Variants in JAKMIP2 observed in about 807,000 individuals in gnomAD.
JAKMIP2 encodes the protein janus kinase and microtubule-interacting protein 2.
In JAKMIP2, 25 loss-of-function variants were observed where a neutral mutation model predicts 115.0. The observed-to-expected ratio is 0.22, with a 90% CI of 0.16 to 0.30. JAKMIP2 has a LOEUF of 0.30. Among genes scored for constraint, JAKMIP2 ranks in the 10% least tolerant of loss-of-function variants. The pLI is 1.00. For missense variants in JAKMIP2, 642 were observed against 957.6 expected (o/e 0.67, Z 4.35); for synonymous variants, 334 against 343.6 (o/e 0.97, Z 0.31).
chr5:147,740,013 C>A (rs1012893114), intron 1 of JAKMIP2, among the ~76,000 whole-genome samples: 1 of 152,180 alleles, frequency 6.6e-6, no homozygotes, highest in African/African-American at 2.4e-5. Context: ...TGAATTTATT[C>A]AAAGTACAAC....
chr5:147,687,562 T>G (rs184551059), intron 1 of JAKMIP2, among the ~76,000 whole-genome samples: 9 of 152,270 alleles, frequency 5.9e-5, no homozygotes, highest in Admixed American at 1.3e-4. Context: ...GTAAGAAAAT[T>G]TGGTAAGAAT....
At chr5:147,682,097 TAAG>T (rs1289597939) in intron 1 of JAKMIP2, among the ~76,000 whole-genome samples, 1 of 144,300 alleles carries the variant, frequency 6.9e-6, no homozygotes, top group African/African-American at 2.6e-5. Flanking sequence ...ATCTGTAAAA[TAAG>T]AAGGAAGGAA....
Position 147,605,599 on chromosome 5 carries a change from A to G in JAKMIP2, c.2413-3788T>C, listed in dbSNP as rs1001706138. 3.9e-5 allele frequency among the ~76,000 whole-genome samples: 6 copies of G among 152,224 alleles called. No homozygotes were observed. The South Asian group carries it at 8.3e-4, about 21-fold the overall frequency. Reference sequence around the variant, plus strand: ...TATTGTGAATAGTGCTGCAATAAACATACGTGTGCATAGGTCTTTATAGTA... The same window carrying G: ...TATTGTGAATAGTGCTGCAATAAACGTACGTGTGCATAGGTCTTTATAGTA... On this transcript the variant is annotated intron_variant, in intron 20 of 21. Coordinates refer to ENST00000616793, the MANE Select transcript of JAKMIP2 (RefSeq NM_001270941.2).
chr5:147,762,827 T>A (rs1754976392), intron 1 of JAKMIP2, among the ~76,000 whole-genome samples: 1 of 152,152 alleles, frequency 6.6e-6, no homozygotes, highest in African/African-American at 2.4e-5. Flanking sequence ...TATTCAATTA[T>A]TTCCCAATGA....
intron 1 of JAKMIP2, among the ~76,000 whole-genome samples, chr5:147,701,797 C>A (rs1013708301): frequency 8.5e-5 from 13 of 152,140 alleles, no homozygotes; most frequent in Admixed American, 1.3e-4. Flanking sequence ...CACAAGACAC[C>A]AAATGTGCTG....
intron 1 of JAKMIP2, among the ~76,000 whole-genome samples, chr5:147,694,371 G>A (rs1298011904): frequency 1.3e-5 from 2 of 152,136 alleles, no homozygotes; most frequent in Admixed American, 6.5e-5. Context: ...ATCATGGGCA[G>A]CTAAAATAGG....
intron 1 of JAKMIP2, among the ~76,000 whole-genome samples, chr5:147,759,262 G>A (rs372559152): frequency 7.3e-4 from 111 of 152,032 alleles, no homozygotes; most frequent in African/African-American, 2.5e-3. Context: ...AGAGAAAGGA[G>A]AAGGGGAGCA....
chr5:147,732,174 A>G (rs1753759046), intron 1 of JAKMIP2, among the ~76,000 whole-genome samples: 2 of 152,364 alleles, frequency 1.3e-5, no homozygotes, highest in South Asian at 4.1e-4. Context: ...TTGCACTTCC[A>G]AATTTTTACC....
chr5:147,635,946 A>T (rs1008043087), intron 12 of JAKMIP2, among the ~76,000 whole-genome samples: 1 of 152,320 alleles, frequency 6.6e-6, no homozygotes, highest in South Asian at 2.1e-4. Flanking sequence ...TGTACAGTAT[A>T]TATACAGTGT....
At chr5:147,716,161 A>G (rs1341929113) in intron 1 of JAKMIP2, among the ~76,000 whole-genome samples, 7 of 143,306 alleles carry the variant, frequency 4.9e-5, no homozygotes, top group Non-Finnish European at 1.1e-4. Context: ...ATGTCCCTAC[A>G]AAGGACATGA....
intron 2 of JAKMIP2, among the ~76,000 whole-genome samples, chr5:147,669,842 G>C (rs1434916596): frequency 1.3e-5 from 2 of 152,186 alleles, no homozygotes; most frequent in African/African-American, 4.8e-5. Flanking sequence ...CGAATTACAA[G>C]TCCTGGTTCT....
intron 14 of JAKMIP2, among the ~76,000 whole-genome samples, chr5:147,630,923 C>T (rs1460176393): frequency 6.6e-6 from 1 of 152,122 alleles, no homozygotes; most frequent in Non-Finnish European, 1.5e-5. Context: ...AAACCCTAAG[C>T]CCTTCCAAAA....
intron 20 of JAKMIP2, among the ~76,000 whole-genome samples, chr5:147,605,203 ATTTTTTTT>A (rs71001447): frequency 7.0e-5 from 7 of 100,512 alleles, no homozygotes; most frequent in Non-Finnish European, 6.0e-5. Context: ...TATGTGCCAC[ATTTTTTTT>A]TTTTTTTTTT....
At chr5:147,726,444 C>T (rs1753520466) in intron 1 of JAKMIP2, among the ~76,000 whole-genome samples, 1 of 152,214 alleles carries the variant, frequency 6.6e-6, no homozygotes, top group South Asian at 2.1e-4. Flanking sequence ...GAATTTCTTA[C>T]CAGTCAGGCT....
At chr5:147,739,025 G>C (rs1308526676) in intron 1 of JAKMIP2, among the ~76,000 whole-genome samples, 2 of 152,180 alleles carry the variant, frequency 1.3e-5, no homozygotes, top group Non-Finnish European at 2.9e-5. Flanking sequence ...ATTTGTTTAA[G>C]TGATTTGGGG....
At chr5:147,648,350 C>A in intron 5 of JAKMIP2, 26 bp downstream of exon 5, 1 of 1,277,068 alleles carries the variant, frequency 7.8e-7, no homozygotes, top group South Asian at 1.2e-5. Flanking sequence ...ACAACAACAT[C>A]AACAAAAATT....
At position 147,707,595 on chromosome 5, in the gene JAKMIP2, T is replaced by TTTC. The variant is rs1367284576; in HGVS notation, c.-148-35642_-148-35641insGAA. Among the ~76,000 whole-genome samples the TTTC allele has an allele frequency of 9.2e-5, 14 of 152,264 alleles. No individual in the cohort carries two copies. In the East Asian group the frequency reaches 2.5e-3, roughly 27 times the overall value. On this transcript the variant is annotated intron_variant, in intron 1 of 21. Coordinates refer to ENST00000616793, the MANE Select transcript of JAKMIP2 (RefSeq NM_001270941.2). ...TTGTTGCTCCCAGAACTGAAATATG[T>TTTC]AGCTACCAGTGTTTCCCTAGCATTG...
At chr5:147,747,366 C>G (rs1230778998) in intron 1 of JAKMIP2, among the ~76,000 whole-genome samples, 2 of 152,126 alleles carry the variant, frequency 1.3e-5, no homozygotes, top group Non-Finnish European at 2.9e-5. Context: ...AGTGTCTGTT[C>G]TGAGGGTAAA....
chr5:147,769,067 A>G (rs1755253524), intron 1 of JAKMIP2, among the ~76,000 whole-genome samples: 1 of 152,080 alleles, frequency 6.6e-6, no homozygotes, highest in Non-Finnish European at 1.5e-5. Flanking sequence ...ACAGAAGTTA[A>G]AGGGGAGTAG....
Sources: gnomAD v4.1 joint callset for allele counts (sites outside exome capture counted in the v4.1 genomes callset) on GRCh38, gnomAD v4.1.1 for gene constraint, MANE v1.5 for transcripts, NCBI Gene and HGNC (gene_info 2026-07-23, HGNC 2026-07-21) for gene names.